The following ELF4 variants were observed in gnomAD, a reference collection of about 807,000 sequenced individuals.
ELF4 encodes ETS-related transcription factor Elf-4.
A neutral mutation model predicts 31.7 loss-of-function variants in ELF4; 10 were observed. That is an observed-to-expected ratio of 0.32 (90% confidence interval 0.19 to 0.54). The LOEUF is 0.54. Among genes scored for constraint, ELF4 ranks in the 20% least tolerant of loss-of-function variants. The pLI is 0.95. For missense variants in ELF4, 418 were observed against 522.0 expected, an observed-to-expected ratio of 0.80 and a Z score of 1.94; for synonymous variants, 208 against 226.7, an observed-to-expected ratio of 0.92 and a Z score of 0.74.
intron 1 of ELF4, among the ~76,000 whole-genome samples, chrX:130,095,678 GAGA>G (rs1241461361): frequency 8.9e-6 from 1 of 111,845 alleles, no homozygotes; most frequent in Non-Finnish European, 1.9e-5. Context: ...GCCAGCTGCG[GAGA>G]AGGAGTATTG....
chrX:130,086,745 C>T (rs1380748166), intron 1 of ELF4, among the ~76,000 whole-genome samples: 1 of 112,791 alleles, frequency 8.9e-6, no homozygotes, highest in East Asian at 2.8e-4. Context: ...AAAAAGCGTT[C>T]ATCCAGATGA....
intron 1 of ELF4, among the ~76,000 whole-genome samples, chrX:130,093,717 G>C (rs1188433254): frequency 2.7e-5 from 3 of 112,001 alleles, no homozygotes; most frequent in Non-Finnish European, 5.6e-5. Context: ...CTGGTTCGGG[G>C]GCCTCGTGGT....
chrX:130,074,042 A>G lies in ELF4; in HGVS notation c.340+7T>C, dbSNP rs1008093941. 5.0e-6 allele frequency: 6 copies of G among 1,209,425 alleles called. No homozygotes were observed. In the African/African-American group the frequency reaches 8.7e-5, roughly 18 times the overall value. Reference sequence around the variant, plus strand: ...CCTTGAGTTCAGGCACTGGGGTTCAAACTTACAGATCTGCTTCTCATCCAG... The same window carrying G: ...CCTTGAGTTCAGGCACTGGGGTTCAGACTTACAGATCTGCTTCTCATCCAG... On this transcript the variant is annotated splice_region_variant and intron_variant, in intron 4 of 8. Coordinates refer to ENST00000308167, the MANE Select transcript of ELF4 (RefSeq NM_001421.4).
At chrX:130,108,275 C>T (rs1282498128) in intron 1 of ELF4, among the ~76,000 whole-genome samples, 1 of 110,355 alleles carries the variant, frequency 9.1e-6, no homozygotes, top group African/African-American at 3.3e-5. Context: ...TGCCACTGCA[C>T]TCCAGCCTGG....
At chrX:130,070,443 C>T (rs1284394545) in intron 7 of ELF4, among the ~76,000 whole-genome samples, 2 of 110,215 alleles carry the variant, frequency 1.8e-5, no homozygotes, top group Non-Finnish European at 3.8e-5. Context: ...GGCGTGGTGG[C>T]GGGCGCCTGT....
chrX:130,097,133 T>TAA lies in ELF4; in HGVS notation c.-210+13190_-210+13191dup, dbSNP rs754452744. Among the ~76,000 whole-genome samples, 251 of 74,397 alleles carry TAA rather than the reference T, an allele frequency of 3.4e-3. 2 individuals are homozygous for TAA. Among genetic ancestry groups the TAA allele is most frequent in the African/African-American group, 0.012 (233 of 19,300 alleles). The allele number at this position is 74,397 out of a possible 115,157, so 64.6% of individuals were successfully genotyped here. A position where few individuals can be genotyped will look rare whatever the true frequency, so the allele number is the denominator to read the frequency against. On this transcript the variant is annotated intron_variant, in intron 1 of 8. Coordinates refer to ENST00000308167, the MANE Select transcript of ELF4 (RefSeq NM_001421.4). ...ACAACATGATGAAATCCATCTCTAT[T>TAA]AAAAAAAAAAAAAAAAAAAAGCAGC...
Position 130,066,513 on chromosome X carries a change from A to T in ELF4, c.*208T>A. The stretch of plus-strand genomic sequence containing the variant: ...TTATGCTGCCAAAAGCATATGCCCT[A>T]GTGCTCTTGAAGGCCATAGTCTGAT... On this transcript the variant is annotated 3_prime_UTR_variant, in exon 9 of 9. Transcript: ENST00000308167. The T allele has an allele frequency of 2.2e-6, 1 of 447,608 alleles. No homozygotes were observed. The highest frequency in any genetic ancestry group is 3.9e-6 in the Non-Finnish European group (1 of 257,644). The allele number at this position is 447,608 out of a possible 1,213,427, so 36.9% of individuals were successfully genotyped here. A position where few individuals can be genotyped will look rare whatever the true frequency, so the allele number is the denominator to read the frequency against.
chrX:130,075,362 C>T (rs1422049773), intron 2 of ELF4, among the ~76,000 whole-genome samples: 21 of 108,966 alleles, frequency 1.9e-4, no homozygotes, highest in Non-Finnish European at 5.7e-5. Flanking sequence ...CTGCAAACTC[C>T]GCCTCCTGGG....
intron 2 of ELF4, among the ~76,000 whole-genome samples, chrX:130,078,761 CT>C (rs36001927): frequency 0.013 from 914 of 70,501 alleles, 12 homozygotes; most frequent in Non-Finnish European, 0.019. Context: ...CTCTCTCTCT[CT>C]ACACACACAC....
intron 1 of ELF4, among the ~76,000 whole-genome samples, chrX:130,085,652 A>G (rs1932950081): frequency 8.9e-6 from 1 of 111,990 alleles, no homozygotes; most frequent in Non-Finnish European, 1.9e-5. Context: ...GGAAACATGG[A>G]GGCCAGATGG....
At chrX:130,107,499 A>G (rs759360228) in intron 1 of ELF4, among the ~76,000 whole-genome samples, 81 of 111,014 alleles carry the variant, frequency 7.3e-4, no homozygotes, top group African/African-American at 2.6e-3. Flanking sequence ...TTATTTATAT[A>G]GATGACATAT....
chrX:130,077,390 G>A (rs1204124719), intron 2 of ELF4, among the ~76,000 whole-genome samples: 1 of 109,955 alleles, frequency 9.1e-6, no homozygotes, highest in East Asian at 2.8e-4. Context: ...TCACCTCCTG[G>A]GCTCAAGCAA....
intron 1 of ELF4, among the ~76,000 whole-genome samples, chrX:130,102,874 GAGAGAGAGAGAGAAAGAAAGAA>G (rs1275397488): frequency 1.3e-5 from 1 of 78,453 alleles, no homozygotes; most frequent in Non-Finnish European, 2.3e-5. Flanking sequence ...GAGAGAGAGA[GAGAGAGAGAGAGAAAGAAAGAA>G]AGAAAGAAAG....
rs776293979 is a variant in ELF4, at chrX:130,064,760, GT to G, written c.*1960del. On this transcript the variant is annotated 3_prime_UTR_variant, in exon 9 of 9. Transcript: ENST00000308167. The stretch of plus-strand genomic sequence containing the variant: ...AGAAGACATTTGATTTCACCATGAG[GT>G]CATTGATGACCTTCCAGCAATGAGT... The G allele has an allele frequency of 7.9e-6, 1 of 126,941 alleles. No individual in the cohort carries two copies. The highest frequency in any genetic ancestry group is 9.4e-5 in the Admixed American group (1 of 10,671). The allele number at this position is 126,941 out of a possible 1,213,427, so 10.5% of individuals were successfully genotyped here. A position where few individuals can be genotyped will look rare whatever the true frequency, so the allele number is the denominator to read the frequency against.
intron 1 of ELF4, among the ~76,000 whole-genome samples, chrX:130,095,936 C>T (rs1172876924): frequency 9.0e-6 from 1 of 111,534 alleles, no homozygotes; most frequent in African/African-American, 3.3e-5. Context: ...GTGCCAGGCC[C>T]AGGGCCAGGG....
At chrX:130,082,478 C>T (rs1483578975) in intron 1 of ELF4, among the ~76,000 whole-genome samples, 2 of 112,082 alleles carry the variant, frequency 1.8e-5, no homozygotes, top group African/African-American at 3.2e-5. Context: ...GAGGGGCAGG[C>T]GGAACCTTCC....
chrX:130,081,137 T>G, intron 2 of ELF4, 119 bp downstream of exon 2: 21 of 861,070 alleles, frequency 2.4e-5, no homozygotes, highest in East Asian at 3.1e-5. Flanking sequence ...AGGTGCTTGA[T>G]GGATATTTGC....
intron 1 of ELF4, among the ~76,000 whole-genome samples, chrX:130,089,867 G>A (rs973570355): frequency 5.3e-5 from 6 of 112,748 alleles, no homozygotes; most frequent in African/African-American, 1.9e-4. Flanking sequence ...GGGAGGCCAA[G>A]GCGGGCAGGT....
Position 130,096,479 on chromosome X carries a change from C to CT in ELF4, c.-210+13845dup, listed in dbSNP as rs201766377. On this transcript the variant is annotated intron_variant, in intron 1 of 8. Transcript: ENST00000308167. The stretch of plus-strand genomic sequence containing the variant: ...GGTGATAGGCGTCAGCCACCATGCC[C>CT]TGCCTGGGGGTGATGAAAATGTTCT... 5.2e-3 allele frequency among the ~76,000 whole-genome samples: 579 copies of CT among 111,408 alleles called. 8 individuals are homozygous for CT. The highest frequency in any genetic ancestry group is 0.018 in the African/African-American group (546 of 30,663).
Sources: gnomAD v4.1 joint callset for allele counts (sites outside exome capture counted in the v4.1 genomes callset) on GRCh38, gnomAD v4.1.1 for gene constraint, MANE v1.5 for transcripts, NCBI Gene and HGNC (gene_info 2026-07-23, HGNC 2026-07-21) for gene names.